WDR64: variants seen among roughly 807,000 people sequenced by gnomAD.
The protein encoded by WDR64 is WD repeat-containing protein 64.
In WDR64, 112 loss-of-function variants were observed where a neutral mutation model predicts 139.3. That is an observed-to-expected ratio of 0.80 (90% CI 0.69 to 0.94). The LOEUF (loss-of-function observed/expected upper bound fraction) is 0.94, where lower values mean the gene tolerates loss of function less well. Ranked by LOEUF, WDR64 falls within the 40% of genes least tolerant of loss-of-function variation. The probability of loss-of-function intolerance (pLI) is 0.00; values close to 1 mark genes in which losing one functional copy is unlikely to be tolerated. For missense variants in WDR64, 1,206 were observed against 1,293.1 expected, an observed-to-expected ratio of 0.93 and a Z score of 1.03; for synonymous variants, 444 against 437.7, an observed-to-expected ratio of 1.01 and a Z score of -0.18.
At chr1:241,754,376 G>A (rs1238456498) in intron 14 of WDR64, among the ~76,000 whole-genome samples, 9 of 130,448 alleles carry the variant, frequency 6.9e-5, no homozygotes, top group African/African-American at 2.0e-4. Flanking sequence ...CTGGAGTGCA[G>A]TGGCATGATC....
rs1477697758 is a variant in WDR64, at chr1:241,796,297, G to C, written c.3119G>C (p.Gly1040Ala). ...PTSLRFLPLI[G>A]VEAQKDSSDG... ...AGTCTAAGATTTCTTCCACTGATTGGCGTAGAAGCCCAAAAGGACTCTTCA... is the reference window on the plus strand; with the variant it reads ...AGTCTAAGATTTCTTCCACTGATTGCCGTAGAAGCCCAAAAGGACTCTTCA... Residue 1040 changes from glycine (G) to alanine (A), a missense_variant, in exon 27 of 28, where the codon GGC becomes GCC. Gly to Ala is a moderately conservative substitution (Grantham distance 60). Transcript: ENST00000437684. The C allele has an allele frequency of 6.2e-7, 1 of 1,613,524 alleles. No individual in the cohort carries two copies.
chr1:241,665,969 TA>T (rs1666010673), intron 2 of WDR64, among the ~76,000 whole-genome samples: 1 of 152,186 alleles, frequency 6.6e-6, no homozygotes, highest in Admixed American at 6.5e-5. Flanking sequence ...CAGGATAGGT[TA>T]AAAAATAAGC....
rs558401937 is a variant in WDR64 at position 241,801,805 on chromosome 1, T to A, written c.*590T>A. On this transcript the variant is annotated 3_prime_UTR_variant, in exon 28 of 28. Transcript: ENST00000437684. The stretch of plus-strand genomic sequence containing the variant: ...CGGCAAAGAAAGGAAGAAAAATGGG[T>A]CATAGAAATAGAAAAAGCATAGTAA... 236 of 398,114 alleles carry A rather than the reference T, an allele frequency of 5.9e-4. 1 individual carries two copies. In the South Asian group the frequency reaches 0.012, roughly 20 times the overall value. 24.7% of individuals were successfully genotyped at this position (398,114 alleles called of 1,614,324 possible).
intron 25 of WDR64, among the ~76,000 whole-genome samples, chr1:241,793,566 T>C (rs1659268864): frequency 6.6e-6 from 1 of 152,230 alleles, no homozygotes; most frequent in Non-Finnish European, 1.5e-5. Flanking sequence ...TCTTCAATTC[T>C]TTTCAAATGA....
chr1:241,663,312 G>A (rs1013810571), intron 2 of WDR64, among the ~76,000 whole-genome samples: 5 of 152,170 alleles, frequency 3.3e-5, no homozygotes, highest in African/African-American at 7.2e-5. Flanking sequence ...CCTGACCCCC[G>A]TCCCTTCTTT....
At chr1:241,679,858 T>G (rs929293562) in intron 6 of WDR64, among the ~76,000 whole-genome samples, 3 of 152,182 alleles carry the variant, frequency 2.0e-5, no homozygotes, top group African/African-American at 7.2e-5. Flanking sequence ...TTTATACCCT[T>G]CTCTGAATCC....
chr1:241,786,662 A>C (rs1215377220), intron 23 of WDR64, among the ~76,000 whole-genome samples: 1 of 152,186 alleles, frequency 6.6e-6, no homozygotes, highest in East Asian at 1.9e-4. Flanking sequence ...GCAGCATGAG[A>C]TCCCTCCTCC....
intron 1 of WDR64, among the ~76,000 whole-genome samples, chr1:241,655,502 C>T (rs1665553051): frequency 6.6e-6 from 1 of 152,102 alleles, no homozygotes; most frequent in African/African-American, 2.4e-5. Context: ...TTTATTAGCT[C>T]ACCTCTAAAA....
chr1:241,771,776 A>G, intron 19 of WDR64, 79 bp downstream of exon 19: 2 of 865,884 alleles, frequency 2.3e-6, no homozygotes, highest in Non-Finnish European at 3.2e-6. Flanking sequence ...GAGTATTCTT[A>G]ATGAATATAT....
At chr1:241,760,834 C>T (rs919899048) in intron 15 of WDR64, among the ~76,000 whole-genome samples, 4 of 145,282 alleles carry the variant, frequency 2.8e-5, no homozygotes, top group Admixed American at 2.1e-4. Flanking sequence ...GGCGCTATCC[C>T]GGCTCACTGC....
chr1:241,764,221 G>T (rs1450504066), intron 15 of WDR64, among the ~76,000 whole-genome samples: 1 of 152,158 alleles, frequency 6.6e-6, no homozygotes, highest in Non-Finnish European at 1.5e-5. Flanking sequence ...GCCATGGAAG[G>T]GCTTTAAATG....
intron 15 of WDR64, among the ~76,000 whole-genome samples, chr1:241,763,594 ACG>A (rs2148287815): frequency 6.6e-6 from 1 of 152,290 alleles, no homozygotes; most frequent in East Asian, 1.9e-4. Flanking sequence ...AATCCTAGCT[ACG>A]GGGGAGGCTG....
chr1:241,672,634 A>G (rs1666277768), intron 3 of WDR64, among the ~76,000 whole-genome samples: 1 of 152,222 alleles, frequency 6.6e-6, no homozygotes, highest in African/African-American at 2.4e-5. Context: ...AGTAAAATAT[A>G]CAGTATGTCA....
At chr1:241,780,866 G>A (rs965129155) in intron 22 of WDR64, among the ~76,000 whole-genome samples, 1 of 152,090 alleles carries the variant, frequency 6.6e-6, no homozygotes, top group Non-Finnish European at 1.5e-5. Flanking sequence ...GGCCAGGGTC[G>A]GGGTTCTGAT....
At chr1:241,681,559 T>C (rs1038918339) in intron 6 of WDR64, among the ~76,000 whole-genome samples, 2 of 152,246 alleles carry the variant, frequency 1.3e-5, no homozygotes, top group African/African-American at 4.8e-5. Context: ...ATTTTTGCAA[T>C]TGCGAATTGT....
Position 241,772,806 on chromosome 1 carries a change from G to A in WDR64, c.2305G>A (p.Val769Ile), listed in dbSNP as rs1012293904. The part of the protein sequence containing the change: ...DSEVKGEQTD[V>I]MVGKQQPMDK... ...TTCTCGAATAGGTGAACAAACAGAT[G>A]TAATGGTGGGAAAGCAACAGCCAAT... is the stretch of plus-strand genomic sequence containing the variant. Residue 769 changes from valine to isoleucine, a missense_variant, in exon 20 of 28, where the codon GTA becomes ATA. Val to Ile is a conservative substitution (Grantham distance 29, BLOSUM62 3). Transcript: ENST00000437684. 35 of 1,551,716 alleles carry A rather than the reference G, an allele frequency of 2.3e-5. No homozygotes were observed. The highest frequency in any genetic ancestry group is 4.1e-5 in the African/African-American group (3 of 72,990).
intron 18 of WDR64, 64 bp from the exon 19 acceptor site, chr1:241,771,597 C>A: frequency 1.7e-6 from 2 of 1,209,426 alleles, no homozygotes; most frequent in South Asian, 1.9e-5. Flanking sequence ...AATTTAATCA[C>A]CCAGTATATC....
chr1:241,655,881 T>C (rs1279885673), intron 1 of WDR64, among the ~76,000 whole-genome samples: 5 of 152,164 alleles, frequency 3.3e-5, no homozygotes, highest in Admixed American at 2.0e-4. Flanking sequence ...CTAAAGTTGA[T>C]ATTAATGTGT....
intron 2 of WDR64, among the ~76,000 whole-genome samples, chr1:241,661,716 G>C (rs1665839709): frequency 6.6e-6 from 1 of 152,184 alleles, no homozygotes; most frequent in Admixed American, 6.5e-5. Flanking sequence ...GCAAAGTAAA[G>C]GTGGTTCAAT....
Sources: gnomAD v4.1 joint callset for allele counts (sites outside exome capture counted in the v4.1 genomes callset) on GRCh38, gnomAD v4.1.1 for gene constraint, MANE v1.5 for transcripts, NCBI Gene and HGNC (gene_info 2026-07-23, HGNC 2026-07-21) for gene names.